The following SLC25A30 variants were observed in gnomAD, a reference collection of about 807,000 sequenced individuals.
SLC25A30 encodes solute carrier family 25 member 30.
A neutral mutation model predicts 42.7 loss-of-function variants in SLC25A30; 29 were observed. The ratio of observed to expected loss-of-function variants is 0.68; its 90% CI spans 0.51 to 0.93. The LOEUF is 0.93. Among genes scored for constraint, SLC25A30 ranks in the 40% least tolerant of loss-of-function variants. The probability of loss-of-function intolerance (pLI) is 0.00; values close to 1 mark genes in which losing one functional copy is unlikely to be tolerated. For missense variants in SLC25A30, 300 were observed against 359.7 expected, an observed-to-expected ratio of 0.83 and a Z score of 1.34; for synonymous variants, 124 against 131.0, an observed-to-expected ratio of 0.95 and a Z score of 0.37.
chr13:45,406,119 G>A, intron 3 of SLC25A30, 142 bp from the exon 4 acceptor site: 1 of 655,000 alleles, frequency 1.5e-6, no homozygotes, highest in South Asian at 1.9e-5. Context: ...GTTTCGCTCT[G>A]TCACCCAGGC....
Position 45,394,093 on chromosome 13 carries a change from G to C in SLC25A30, c.*1881C>G, listed in dbSNP as rs1467703867. The C allele has an allele frequency of 2.0e-6, 2 of 985,208 alleles. No homozygotes were observed. Among genetic ancestry groups the C allele is most frequent in the African/African-American group, 3.5e-5 (2 of 57,190 alleles). The allele number at this position is 985,208 out of a possible 1,614,324, so 61.0% of individuals were successfully genotyped here. A position where few individuals can be genotyped will look rare whatever the true frequency, so the allele number is the denominator to read the frequency against. ...CTTTATAAAATCAATGGAATGTTTTGGAAAGAAGAAAAAATCCTAAGGTGT... is the reference window on the plus strand; with the variant it reads ...CTTTATAAAATCAATGGAATGTTTTCGAAAGAAGAAAAAATCCTAAGGTGT... On this transcript the variant is annotated 3_prime_UTR_variant, in exon 10 of 10. Transcript: ENST00000519676.
chr13:45,423,815 A>AATATATAAATATATAAAT, the SLC25A30 span, among the ~76,000 whole-genome samples: 1 of 55,730 alleles, frequency 1.8e-5, no homozygotes, highest in African/African-American at 7.1e-5. Context: ...TATATATAAA[A>AATATATAAATATATAAAT]ATATAAATAT....
Position 45,399,082 on chromosome 13 carries a change from T to C in SLC25A30, c.615-4A>G. 6.4e-7 allele frequency: 1 copy of C among 1,573,336 alleles called. No homozygotes were observed. Among genetic ancestry groups the C allele is most frequent in the Non-Finnish European group, 8.6e-7 (1 of 1,166,094 alleles). ...CAGACCACAGGTGAAGCTTGAGCTA[T>C]AAAGACACCATTGGAAAAAAAAAAA... On this transcript the variant is annotated splice_polypyrimidine_tract_variant and splice_region_variant and intron_variant, in intron 7 of 9. Transcript: ENST00000519676.
intron 2 of SLC25A30, among the ~76,000 whole-genome samples, chr13:45,411,119 T>TA (rs200943372): frequency 1.5e-4 from 23 of 151,572 alleles, no homozygotes; most frequent in Non-Finnish European, 2.9e-4. Context: ...TTTTTTTTTT[T>TA]AATAGAGGTG....
chr13:45,396,964 CCT>C (rs944912180), intron 9 of SLC25A30: 3,599 of 309,010 alleles, frequency 0.012, no homozygotes, highest in Middle Eastern at 0.022. Context: ...AGCCAATCCT[CCT>C]CTCTCTCTCT....
chr13:45,414,907 G>A (rs926306080), intron 1 of SLC25A30, among the ~76,000 whole-genome samples: 2 of 152,164 alleles, frequency 1.3e-5, no homozygotes. Context: ...TCCCAAGGCT[G>A]ACAAGCCAAG....
intron 9 of SLC25A30, chr13:45,396,244 C>T (rs550928631): frequency 1.4e-6 from 2 of 1,405,360 alleles, no homozygotes; most frequent in Admixed American, 2.9e-5. Context: ...TGGTATCAGC[C>T]TCTTCTGAGA....
chr13:45,404,235 C>T, intron 5 of SLC25A30, 92 bp downstream of exon 5: 1 of 889,992 alleles, frequency 1.1e-6, no homozygotes. Context: ...CACATATACA[C>T]AGATGTTACA....
chr13:45,396,207 G>A (rs1313963394), intron 9 of SLC25A30, 192 bp from the exon 10 acceptor site: 2 of 1,449,452 alleles, frequency 1.4e-6, no homozygotes, highest in Non-Finnish European at 1.8e-6. Context: ...GGAGCAGAAA[G>A]ATCACAGCTG....
the SLC25A30 span, among the ~76,000 whole-genome samples, chr13:45,428,354 G>C: frequency 7.0e-6 from 1 of 142,942 alleles, no homozygotes; most frequent in Non-Finnish European, 1.5e-5. Context: ...GACTACAGGC[G>C]CATGCCACCA....
intron 6 of SLC25A30, among the ~76,000 whole-genome samples, chr13:45,402,059 CAAAAAAAA>C (rs66565783): frequency 1.2e-5 from 1 of 83,912 alleles, no homozygotes. Context: ...GACTCCATCT[CAAAAAAAA>C]AAAAAAAAAA....
chr13:45,426,457 C>T, the SLC25A30 span, among the ~76,000 whole-genome samples: 2 of 152,138 alleles, frequency 1.3e-5, no homozygotes. Flanking sequence ...AATTTTTCCT[C>T]CCGGGCCCTA....
At chr13:45,411,718 CA>C (rs1490813470) in intron 1 of SLC25A30, 1 of 417,912 alleles carries the variant, frequency 2.4e-6, no homozygotes, top group Non-Finnish European at 4.5e-6. Flanking sequence ...AAGAAGTAAT[CA>C]GCTACTTTGA....
At chr13:45,403,550 C>T (rs890569923) in intron 5 of SLC25A30, among the ~76,000 whole-genome samples, 4 of 152,082 alleles carry the variant, frequency 2.6e-5, no homozygotes, top group Non-Finnish European at 5.9e-5. Flanking sequence ...GATGCTCTAT[C>T]CCTAGTATTT....
chr13:45,404,196 C>T (rs1219135517), intron 5 of SLC25A30, 131 bp downstream of exon 5: 1 of 666,844 alleles, frequency 1.5e-6, no homozygotes, highest in Admixed American at 2.4e-5. Context: ...AAAAGTTAGT[C>T]TTCATGGCAC....
chr13:45,424,525 A>ATATATG, the SLC25A30 span, among the ~76,000 whole-genome samples: 2 of 55,468 alleles, frequency 3.6e-5, no homozygotes, highest in African/African-American at 6.1e-5. Flanking sequence ...AAATATATAA[A>ATATATG]AATATATATA....
chr13:45,397,304 TTA>T lies in SLC25A30; in HGVS notation c.786_787del (p.Tyr262Ter). ...TCTCAACCAATTTGGCCAAAAGCCT[TTA>T]TAGAGAGCAAAAAACCCTTCATTCT... On this transcript the variant is annotated stop_gained and frameshift_variant, in exon 9 of 10. Transcript: ENST00000519676. LOFTEE classifies it high-confidence loss of function. The T allele has an allele frequency of 6.2e-7, 1 of 1,612,910 alleles. No individual in the cohort carries two copies. The highest frequency in any genetic ancestry group is 8.5e-7 in the Non-Finnish European group (1 of 1,179,118).
Position 45,394,277 on chromosome 13 carries a change from CT to C in SLC25A30, c.*1696del. The stretch of plus-strand genomic sequence containing the variant: ...CCGCCCCCACCTTCTGTTATCCTCT[CT>C]TTTTGATGACTTTGTCTTAGCTCTC... On this transcript the variant is annotated 3_prime_UTR_variant, in exon 10 of 10. Coordinates refer to ENST00000519676, the MANE Select transcript of SLC25A30 (RefSeq NM_001010875.4). The C allele has an allele frequency of 1.9e-6, 1 of 523,458 alleles. No individual in the cohort carries two copies. The highest frequency in any genetic ancestry group is 2.4e-6 in the Non-Finnish European group (1 of 414,178). The allele number at this position is 523,458 out of a possible 1,614,324, so 32.4% of individuals were successfully genotyped here. A position where few individuals can be genotyped will look rare whatever the true frequency, so the allele number is the denominator to read the frequency against.
chr13:45,429,787 A>C, the SLC25A30 span, among the ~76,000 whole-genome samples: 1 of 151,926 alleles, frequency 6.6e-6, no homozygotes, highest in Non-Finnish European at 1.5e-5. Context: ...GTGAGCTGTG[A>C]TTGCCCCACT....
Sources: allele counts gnomAD v4.1 joint callset (sites outside exome capture counted in the v4.1 genomes callset), GRCh38; gene constraint gnomAD v4.1.1; transcripts MANE v1.5; gene names NCBI Gene and HGNC (gene_info 2026-07-23, HGNC 2026-07-21).